Variants in RBFOX1 observed in about 807,000 individuals in gnomAD.
RBFOX1 encodes RNA binding protein fox-1 homolog 1.
RBFOX1 carries 8 observed loss-of-function variants against 57.7 expected under a neutral mutation model. The observed-to-expected ratio is 0.14, with a 90% CI of 0.08 to 0.25. RBFOX1 has a LOEUF of 0.25. Among genes scored for constraint, RBFOX1 ranks in the 10% least tolerant of loss-of-function variants. The pLI is 1.00. For missense variants in RBFOX1, 611 were observed against 548.5 expected (o/e 1.11, Z -1.14); for synonymous variants, 326 against 222.4 (o/e 1.47, Z -4.15).
chr16:5,914,983 A>T (rs749604732), intron 4 of RBFOX1, among the ~76,000 whole-genome samples: 1 of 152,166 alleles, frequency 6.6e-6, no homozygotes, highest in Non-Finnish European at 1.5e-5. Context: ...ATCACCTACT[A>T]TTGTGATGTG....
chr16:6,931,916 C>A (rs368704817), intron 3 of RBFOX1, among the ~76,000 whole-genome samples: 1 of 152,096 alleles, frequency 6.6e-6, no homozygotes, highest in African/African-American at 2.4e-5. Context: ...AGGGAGGAGG[C>A]GAGGAGTAAG....
At chr16:5,405,553 C>T (rs1191949270) in intron 1 of RBFOX1, among the ~76,000 whole-genome samples, 2 of 152,064 alleles carry the variant, frequency 1.3e-5, no homozygotes, top group African/African-American at 2.4e-5. Context: ...TTATTAGCTG[C>T]GTGAGAACAG....
At chr16:7,370,907 A>T (rs1299224639) in intron 4 of RBFOX1, among the ~76,000 whole-genome samples, 1 of 152,228 alleles carries the variant, frequency 6.6e-6, no homozygotes, top group Non-Finnish European at 1.5e-5. Flanking sequence ...AATGGAGAGA[A>T]ATGGTGACTG....
intron 3 of RBFOX1, among the ~76,000 whole-genome samples, chr16:7,031,905 A>G (rs1279172912): frequency 3.9e-5 from 6 of 152,128 alleles, no homozygotes; most frequent in Admixed American, 1.3e-4. Context: ...CCTGATCAGT[A>G]TAATTACGGA....
chr16:6,992,837 CAAAA>C (rs3048923), intron 3 of RBFOX1, among the ~76,000 whole-genome samples: 1 of 118,586 alleles, frequency 8.4e-6, no homozygotes, highest in Non-Finnish European at 1.7e-5. Flanking sequence ...CTTCCTTTTC[CAAAA>C]AAAAAAAAAA....
intron 2 of RBFOX1, among the ~76,000 whole-genome samples, chr16:6,511,130 C>T (rs2153777864): frequency 6.6e-6 from 1 of 152,242 alleles, no homozygotes; most frequent in East Asian, 1.9e-4. Flanking sequence ...GGATAAAGCC[C>T]AGTGTGCCTC....
At chr16:6,435,134 G>A (rs1358259586) in intron 2 of RBFOX1, among the ~76,000 whole-genome samples, 1 of 151,980 alleles carries the variant, frequency 6.6e-6, no homozygotes, top group African/African-American at 2.4e-5. Flanking sequence ...AATGGAAGAG[G>A]ATTTGCTTGC....
intron 4 of RBFOX1, among the ~76,000 whole-genome samples, chr16:7,423,827 A>G (rs549686154): frequency 6.6e-6 from 1 of 152,232 alleles, no homozygotes; most frequent in South Asian, 2.1e-4. Flanking sequence ...GTAAATCAGC[A>G]TGATTAAATA....
At chr16:6,302,051 A>G (rs1323268214) in intron 1 of RBFOX1, among the ~76,000 whole-genome samples, 3 of 152,138 alleles carry the variant, frequency 2.0e-5, no homozygotes, top group Non-Finnish European at 4.4e-5. Flanking sequence ...CCGTCATGAC[A>G]AGACCGGAGA....
chr16:7,273,962 A>G (rs1238990707), intron 4 of RBFOX1, among the ~76,000 whole-genome samples: 2 of 152,196 alleles, frequency 1.3e-5, no homozygotes, highest in Non-Finnish European at 2.9e-5. Flanking sequence ...ACTTTTTATT[A>G]AATCCCCAAG....
intron 2 of RBFOX1, among the ~76,000 whole-genome samples, chr16:6,452,162 C>G (rs551165475): frequency 1.3e-5 from 2 of 150,986 alleles, no homozygotes; most frequent in African/African-American, 4.9e-5. Flanking sequence ...TTCCACGGCT[C>G]CATCCATGGA....
intron 1 of RBFOX1, chr16:6,092,784 G>T (rs1211926799): frequency 1.3e-5 from 2 of 152,136 alleles, no homozygotes; most frequent in Non-Finnish European, 2.9e-5. Context: ...ATGCTGTTTT[G>T]GTTACTGTAG....
chr16:7,687,114 TAATC>T (rs896766636), intron 14 of RBFOX1, among the ~76,000 whole-genome samples: 2 of 152,124 alleles, frequency 1.3e-5, no homozygotes, highest in African/African-American at 2.4e-5. Flanking sequence ...GAGCTTTCTA[TAATC>T]AATCTGTTTG....
At chr16:6,090,539 A>T (rs780049645) in intron 1 of RBFOX1, among the ~76,000 whole-genome samples, 1 of 152,228 alleles carries the variant, frequency 6.6e-6, no homozygotes, top group African/African-American at 2.4e-5. Context: ...CTTGGTCCCC[A>T]ATTAATGATC....
At chr16:6,762,472 G>C (rs1452811802) in intron 3 of RBFOX1, among the ~76,000 whole-genome samples, 3 of 152,024 alleles carry the variant, frequency 2.0e-5, no homozygotes, top group Non-Finnish European at 4.4e-5. Context: ...CAAAAGAAAA[G>C]GTGTGAATTT....
chr16:6,615,199 A>T (rs368013449), intron 2 of RBFOX1, among the ~76,000 whole-genome samples: 1 of 152,204 alleles, frequency 6.6e-6, no homozygotes, highest in Non-Finnish European at 1.5e-5. Context: ...TTTTTACTCT[A>T]TAAAGGAATG....
At chr16:7,614,693 G>C (rs966520962) in intron 10 of RBFOX1, 5 of 152,206 alleles carry the variant, frequency 3.3e-5, no homozygotes, top group Non-Finnish European at 7.3e-5. Context: ...CACAGGGGAA[G>C]TTTTAAGTTA....
intron 3 of RBFOX1, among the ~76,000 whole-genome samples, chr16:6,751,737 G>T (rs1231203022): frequency 6.6e-6 from 1 of 152,100 alleles, no homozygotes; most frequent in Non-Finnish European, 1.5e-5. Flanking sequence ...GCATTTCCAG[G>T]AATTGAACCT....
chr16:6,205,387 A>T (rs1226505364), intron 1 of RBFOX1, among the ~76,000 whole-genome samples: 2 of 152,240 alleles, frequency 1.3e-5, no homozygotes, highest in East Asian at 1.9e-4. Flanking sequence ...GATGAAATTG[A>T]ACAAGGTTGT....
Sources: gnomAD v4.1 joint callset for allele counts (sites outside exome capture counted in the v4.1 genomes callset) on GRCh38, gnomAD v4.1.1 for gene constraint, MANE v1.5 for transcripts, NCBI Gene and HGNC (gene_info 2026-07-23, HGNC 2026-07-21) for gene names.